Variants in SYN3 observed in about 807,000 individuals in gnomAD.
SYN3 encodes the protein synapsin III.
Under a neutral mutation model 65.8 loss-of-function variants are expected in SYN3, and 35 were observed. The observed-to-expected ratio is 0.53, with a 90% CI of 0.41 to 0.70. The LOEUF (loss-of-function observed/expected upper bound fraction) is 0.70. Among genes scored for constraint, SYN3 ranks in the 30% least tolerant of loss-of-function variants. SYN3 has a pLI of 0.00. For missense variants in SYN3, 680 were observed against 749.0 expected (o/e 0.91, Z 1.08); for synonymous variants, 270 against 292.9 (o/e 0.92, Z 0.80).
At chr22:32,655,488 G>A (rs112936589) in intron 6 of SYN3, among the ~76,000 whole-genome samples, 6,757 of 152,250 alleles carry the variant, frequency 0.044, 192 homozygotes, top group Non-Finnish European at 0.064. Flanking sequence ...AGGTGAGCCA[G>A]TGAAGCTTCA....
At chr22:32,927,154 A>G (rs748855606) in intron 4 of SYN3, among the ~76,000 whole-genome samples, 1 of 152,090 alleles carries the variant, frequency 6.6e-6, no homozygotes, top group Non-Finnish European at 1.5e-5. Flanking sequence ...ATTCAGAATG[A>G]TATCAGATCA....
chr22:32,792,851 T>C (rs2046351967), intron 6 of SYN3, among the ~76,000 whole-genome samples: 1 of 152,192 alleles, frequency 6.6e-6, no homozygotes, highest in African/African-American at 2.4e-5. Flanking sequence ...AATGAACGTG[T>C]GGGCACATTG....
chr22:32,896,087 G>A (rs1243753032), intron 4 of SYN3, among the ~76,000 whole-genome samples: 1 of 152,182 alleles, frequency 6.6e-6, no homozygotes, highest in Non-Finnish European at 1.5e-5. Flanking sequence ...TAGCTTTCAA[G>A]TCAAGAAATA....
intron 6 of SYN3, among the ~76,000 whole-genome samples, chr22:32,830,941 A>T (rs995560370): frequency 2.0e-5 from 3 of 152,152 alleles, no homozygotes; most frequent in Non-Finnish European, 2.9e-5. Flanking sequence ...TTTAGCTTTT[A>T]AAAAAATGTG....
intron 3 of SYN3, among the ~76,000 whole-genome samples, chr22:32,943,176 ATGTCAAGGGCAG>A (rs2050993678): frequency 6.6e-6 from 1 of 152,228 alleles, no homozygotes; most frequent in African/African-American, 2.4e-5. Context: ...GAAGGAAAAA[ATGTCAAGGGCAG>A]CCAGAGAGAA....
chr22:32,596,580 T>C, intron 7 of SYN3, 94 bp downstream of exon 7: 1 of 1,336,712 alleles, frequency 7.5e-7, no homozygotes, highest in African/African-American at 1.4e-5. Context: ...GTGCCTGTGC[T>C]AAGGGGTTGA....
At position 32,573,952 on chromosome 22, in the gene SYN3, T is replaced by A. The variant is rs575734192; in HGVS notation, c.774+22722A>T. Among the ~76,000 whole-genome samples the A allele has an allele frequency of 1.2e-3, 175 of 146,898 alleles. 1 individual carries two copies. The highest frequency in any genetic ancestry group is 0.01 in the Middle Eastern group (3 of 290). On this transcript the variant is annotated intron_variant, in intron 7 of 13. Coordinates refer to ENST00000358763, the MANE Select transcript of SYN3 (RefSeq NM_003490.4). ...GCCCGGCTAATTTTTTTTTTTTTTTTATTTTAGTAGAGACGGGGTTTCACT... is the reference window on the plus strand; with the variant it reads ...GCCCGGCTAATTTTTTTTTTTTTTTAATTTTAGTAGAGACGGGGTTTCACT...
At chr22:32,654,503 C>T (rs563156338) in intron 6 of SYN3, among the ~76,000 whole-genome samples, 93 of 152,332 alleles carry the variant, frequency 6.1e-4, no homozygotes, top group African/African-American at 2.1e-3. Flanking sequence ...CTACATGCCA[C>T]CCAGACGGGA....
At chr22:32,881,247 G>A (rs549065174) in intron 4 of SYN3, among the ~76,000 whole-genome samples, 100 of 152,282 alleles carry the variant, frequency 6.6e-4, no homozygotes, top group African/African-American at 2.3e-3. Flanking sequence ...GGGGGAAGGG[G>A]AAAGCCCATT....
chr22:32,870,652 T>A (rs939607342), intron 4 of SYN3, among the ~76,000 whole-genome samples: 1 of 152,220 alleles, frequency 6.6e-6, no homozygotes, highest in African/African-American at 2.4e-5. Flanking sequence ...AGAATGTCCA[T>A]CTCATTACAG....
intron 6 of SYN3, among the ~76,000 whole-genome samples, chr22:32,610,025 G>C (rs567839863): frequency 2.0e-5 from 3 of 151,986 alleles, no homozygotes; most frequent in Non-Finnish European, 2.9e-5. Context: ...GCTCACGCCT[G>C]TAATCCCAGC....
intron 1 of SYN3, among the ~76,000 whole-genome samples, chr22:33,037,524 G>A (rs947806418): frequency 3.9e-5 from 6 of 152,164 alleles, no homozygotes; most frequent in African/African-American, 1.4e-4. Context: ...ATAGTCTGTT[G>A]CATTCTTGTA....
At chr22:32,901,540 C>T (rs553056881) in intron 4 of SYN3, among the ~76,000 whole-genome samples, 2 of 152,286 alleles carry the variant, frequency 1.3e-5, no homozygotes, top group East Asian at 3.9e-4. Context: ...TCTTGGAGCT[C>T]CTCTCATAAT....
At chr22:32,773,331 C>G (rs1310568204) in intron 6 of SYN3, among the ~76,000 whole-genome samples, 1 of 149,162 alleles carries the variant, frequency 6.7e-6, no homozygotes, top group African/African-American at 2.5e-5. Flanking sequence ...TGCTTGAACC[C>G]TGGAGGCGGA....
chr22:32,967,355 T>A, intron 3 of SYN3, among the ~76,000 whole-genome samples: 1 of 152,210 alleles, frequency 6.6e-6, no homozygotes, highest in South Asian at 2.1e-4. Context: ...TCCTATGTGA[T>A]ACTAAAGATA....
intron 7 of SYN3, among the ~76,000 whole-genome samples, chr22:32,548,707 A>C (rs892235603): frequency 1.3e-5 from 2 of 152,234 alleles, no homozygotes; most frequent in African/African-American, 4.8e-5. Flanking sequence ...CTGTTCTAGA[A>C]AGAATTTATG....
At chr22:32,671,379 C>T (rs2060360221) in intron 6 of SYN3, among the ~76,000 whole-genome samples, 2 of 152,006 alleles carry the variant, frequency 1.3e-5, no homozygotes, top group Non-Finnish European at 1.5e-5. Context: ...CACTCACCTG[C>T]ACACTCACCC....
rs989148173 is a variant in SYN3 at position 32,510,966 on chromosome 22, T to G, written c.*2726A>C. On this transcript the variant is annotated 3_prime_UTR_variant, in exon 14 of 14. Transcript: ENST00000358763. ...GATTTTAGGATGTGCATTTGTCAATTCCAAGTTATTGTCCAGGCGTGTGTG... is the reference window on the plus strand; with the variant it reads ...GATTTTAGGATGTGCATTTGTCAATGCCAAGTTATTGTCCAGGCGTGTGTG... Among the ~76,000 whole-genome samples, 2 of 148,998 alleles carry G rather than the reference T, an allele frequency of 1.3e-5. No homozygotes were observed. The highest frequency in any genetic ancestry group is 3.0e-5 in the Non-Finnish European group (2 of 67,656).
intron 3 of SYN3, among the ~76,000 whole-genome samples, chr22:32,958,836 C>T (rs976717258): frequency 6.6e-6 from 1 of 152,016 alleles, no homozygotes; most frequent in African/African-American, 2.4e-5. Flanking sequence ...TCACTAGGCT[C>T]CTTCCAACAT....
Sources: allele counts gnomAD v4.1 joint callset (sites outside exome capture counted in the v4.1 genomes callset), GRCh38; gene constraint gnomAD v4.1.1; transcripts MANE v1.5; gene names NCBI Gene and HGNC (gene_info 2026-07-23, HGNC 2026-07-21).